SERTM1: variants seen among roughly 807,000 people sequenced by gnomAD.
The protein encoded by SERTM1 is serine-rich and transmembrane domain-containing protein 1.
In SERTM1, 1 loss-of-function variant was observed where a neutral mutation model predicts 5.5. The ratio of observed to expected loss-of-function variants is 0.18; its 90% CI spans 0.06 to 0.86. The LOEUF (loss-of-function observed/expected upper bound fraction) is 0.86. Ranked by LOEUF, SERTM1 falls within the 40% of genes least tolerant of loss-of-function variation. The pLI is 0.69. For missense variants in SERTM1, 91 were observed against 122.4 expected, an observed-to-expected ratio of 0.74 and a Z score of 1.21; for synonymous variants, 52 against 55.1, an observed-to-expected ratio of 0.94 and a Z score of 0.25.
At chr13:36,688,843 C>A (rs2056759212) in intron 1 of SERTM1, among the ~76,000 whole-genome samples, 1 of 152,160 alleles carries the variant, frequency 6.6e-6, no homozygotes, top group Non-Finnish European at 1.5e-5. Context: ...TAGCCAATGA[C>A]CTTTTCTCCT....
chr13:36,695,367 T>C lies in SERTM1; in HGVS notation c.289T>C (p.Ser97Pro). Reference sequence around the variant, plus strand: ...CAATTTGGAAGTCTGCAGCATTTCCTCTCAGAGGTCCACTTTTTCAAACCT... The same window carrying C: ...CAATTTGGAAGTCTGCAGCATTTCCCCTCAGAGGTCCACTTTTTCAAACCT... ...FTNLEVCSIS[S>P]QRSTFSNLSS The change falls in exon 2 of 2, where the codon TCT (serine) becomes CCT (proline). Residue 97 changes from serine to proline, a missense_variant. Physicochemically the swap from Ser to Pro is moderately conservative, Grantham distance 74. Transcript: ENST00000315190. 6.2e-7 allele frequency: 1 copy of C among 1,613,944 alleles called. No homozygotes were observed. The highest frequency in any genetic ancestry group is 8.5e-7 in the Non-Finnish European group (1 of 1,179,950).
rs1343732975 is a variant in SERTM1, at chr13:36,697,667, C to T, written c.*2265C>T. 6.0e-6 allele frequency: 1 copy of T among 166,924 alleles called. No homozygotes were observed. The highest frequency in any genetic ancestry group is 1.5e-5 in the Non-Finnish European group (1 of 68,090). The allele number at this position is 166,924 out of a possible 1,614,324, so 10.3% of individuals were successfully genotyped here. A position where few individuals can be genotyped will look rare whatever the true frequency, so the allele number is the denominator to read the frequency against. ...CTCCCCTGCCGCAATGGTTCTTGCT[C>T]TCAATGTTTAGTAGAGAAATTAAGA... On this transcript the variant is annotated 3_prime_UTR_variant, in exon 2 of 2. Transcript: ENST00000315190.
At position 36,696,485 on chromosome 13, in the gene SERTM1, A is replaced by G. The variant is rs1253149870; in HGVS notation, c.*1083A>G. 5 of 167,020 alleles carry G rather than the reference A, an allele frequency of 3.0e-5. No homozygotes were observed. The highest frequency in any genetic ancestry group is 2.1e-4 in the South Asian group (1 of 4,838). The allele number at this position is 167,020 out of a possible 1,614,324, so 10.3% of individuals were successfully genotyped here. On this transcript the variant is annotated 3_prime_UTR_variant, in exon 2 of 2. Transcript: ENST00000315190. ...GTTGTATGTTAACATAATACTCTAC[A>G]TTAGGATTTCAGGATGTGAGTTTGT...
At chr13:36,677,489 T>C (rs2056677704) in intron 1 of SERTM1, among the ~76,000 whole-genome samples, 1 of 152,340 alleles carries the variant, frequency 6.6e-6, no homozygotes, top group African/African-American at 2.4e-5. Context: ...ATTGTTAATC[T>C]GGAAGGGTCT....
chr13:36,695,278 A>G lies in SERTM1; in HGVS notation c.200A>G (p.Lys67Arg). Residue 67 changes from lysine to arginine, a missense_variant, in exon 2 of 2, where the codon AAA (lysine) becomes AGA (arginine). Transcript: ENST00000315190. ...LLLIIALQRL[K>R]NIISSSSSYP... Reference sequence around the variant, plus strand: ...TTAATCATTGCCCTCCAGAGGCTCAAAAATATCATCTCCTCCAGTTCCTCC... The same window carrying G: ...TTAATCATTGCCCTCCAGAGGCTCAGAAATATCATCTCCTCCAGTTCCTCC... The G allele has an allele frequency of 1.9e-6, 3 of 1,614,180 alleles. No individual in the cohort carries two copies. The highest frequency in any genetic ancestry group is 8.5e-7 in the Non-Finnish European group (1 of 1,180,022).
chr13:36,683,074 G>GA (rs1555283492), intron 1 of SERTM1, among the ~76,000 whole-genome samples: 1 of 151,208 alleles, frequency 6.6e-6, no homozygotes, highest in African/African-American at 2.4e-5. Flanking sequence ...TGTACGATGA[G>GA]TTTTTTTTTC....
chr13:36,692,717 G>C (rs1252958037), intron 1 of SERTM1, among the ~76,000 whole-genome samples: 1 of 152,184 alleles, frequency 6.6e-6, no homozygotes. Context: ...AAAAATAAAA[G>C]ATCGGGACTA....
intron 1 of SERTM1, among the ~76,000 whole-genome samples, chr13:36,676,342 C>A (rs1354007811): frequency 1.3e-5 from 2 of 151,914 alleles, no homozygotes; most frequent in East Asian, 3.9e-4. Context: ...AAAGTCTGAG[C>A]TCATTTGATG....
chr13:36,675,250 G>C lies in SERTM1; in HGVS notation c.-174+1066G>C, dbSNP rs56167220. ...TTCTTTGTGGTAAATGATGGGCTCC[G>C]ATGTCTAGAGGACGTCTCAAAGCCA... On this transcript the variant is annotated intron_variant, in intron 1 of 1. Transcript: ENST00000315190. Among the ~76,000 whole-genome samples the C allele has an allele frequency of 9.4e-3, 1,439 of 152,310 alleles. 21 individuals carry two copies. The highest frequency in any genetic ancestry group is 0.033 in the African/African-American group (1,391 of 41,572).
Position 36,695,386 on chromosome 13 carries a change from C to A in SERTM1, c.308C>A (p.Ser103Ter). 6.2e-7 allele frequency: 1 copy of A among 1,613,538 alleles called. No individual in the cohort carries two copies. The highest frequency in any genetic ancestry group is 1.1e-5 in the South Asian group (1 of 91,044). ...CSISSQRSTF[S>*]NLSS ...ATTTCCTCTCAGAGGTCCACTTTTTCAAACCTTTCATCCTGAGGAAAATGG... is the reference window on the plus strand; with the variant it reads ...ATTTCCTCTCAGAGGTCCACTTTTTAAAACCTTTCATCCTGAGGAAAATGG... Residue 103 changes from serine (S) to a stop codon, truncating the protein, a stop_gained, in exon 2 of 2, where the codon TCA (serine) becomes TAA (stop). Coordinates refer to ENST00000315190, the MANE Select transcript of SERTM1 (RefSeq NM_203451.3). LOFTEE classifies it high-confidence loss of function.
intron 1 of SERTM1, among the ~76,000 whole-genome samples, chr13:36,682,708 A>G (rs1296863134): frequency 6.6e-6 from 1 of 152,226 alleles, no homozygotes; most frequent in Non-Finnish European, 1.5e-5. Context: ...TGGCCAGATC[A>G]TAAGGGACAG....
In SERTM1 at chr13:36,680,928, G is replaced by A. The variant is rs556516851; in HGVS notation, c.-174+6744G>A. On this transcript the variant is annotated intron_variant, in intron 1 of 1. Coordinates refer to ENST00000315190, the MANE Select transcript of SERTM1 (RefSeq NM_203451.3). ...AAAGGAAAACAAAAGAATAAATCAG[G>A]TACCTAGTACCTGCTATATATTTGC... 3.9e-4 allele frequency among the ~76,000 whole-genome samples: 60 copies of A among 152,224 alleles called. 1 individual carries two copies. The highest frequency in any genetic ancestry group is 2.1e-3 in the Admixed American group (32 of 15,272).
At chr13:36,689,020 C>T (rs2056760263) in intron 1 of SERTM1, among the ~76,000 whole-genome samples, 1 of 150,990 alleles carries the variant, frequency 6.6e-6, no homozygotes, top group African/African-American at 2.5e-5. Context: ...CTTTTGTAAA[C>T]ACCATAAAAG....
chr13:36,677,743 G>T (rs1219026868), intron 1 of SERTM1, among the ~76,000 whole-genome samples: 1 of 152,154 alleles, frequency 6.6e-6, no homozygotes, highest in Non-Finnish European at 1.5e-5. Flanking sequence ...AACTTGCTAG[G>T]GTAGTCTGGT....
chr13:36,683,372 A>C (rs1020387216), intron 1 of SERTM1, among the ~76,000 whole-genome samples: 5 of 152,174 alleles, frequency 3.3e-5, no homozygotes, highest in Non-Finnish European at 7.3e-5. Context: ...CACAATTCAT[A>C]CAACTCTCAA....
chr13:36,678,825 GTGCA>G (rs2056686035), intron 1 of SERTM1, among the ~76,000 whole-genome samples: 1 of 151,704 alleles, frequency 6.6e-6, no homozygotes, highest in South Asian at 2.1e-4. Flanking sequence ...ATACATCTTT[GTGCA>G]TGTACTTTTA....
intron 1 of SERTM1, among the ~76,000 whole-genome samples, chr13:36,694,667 T>C (rs1196838802): frequency 6.6e-6 from 1 of 152,238 alleles, no homozygotes. Context: ...CCTTTTATTT[T>C]ATCTTCAGCT....
At chr13:36,693,739 A>G (rs115276953) in intron 1 of SERTM1, among the ~76,000 whole-genome samples, 1,859 of 152,324 alleles carry the variant, frequency 0.012, 35 homozygotes, top group African/African-American at 0.043. Flanking sequence ...AGAGTTTAGG[A>G]AGAGAAAGCT....
rs534046284 is a variant in SERTM1 at position 36,694,036 on chromosome 13, C to G, written c.-173-870C>G. Among the ~76,000 whole-genome samples the G allele has an allele frequency of 6.7e-4, 102 of 152,270 alleles. 1 individual carries two copies. Among genetic ancestry groups the G allele is most frequent in the African/African-American group, 2.3e-3 (95 of 41,542 alleles). On this transcript the variant is annotated intron_variant, in intron 1 of 1. Coordinates refer to ENST00000315190, the MANE Select transcript of SERTM1 (RefSeq NM_203451.3). ...AAGTCCCATTATCTCCCACCACACA[C>G]TAAAGTCATTTTTTTCTCCAATGCT...
Sources: allele counts gnomAD v4.1 joint callset (sites outside exome capture counted in the v4.1 genomes callset), GRCh38; gene constraint gnomAD v4.1.1; transcripts MANE v1.5; gene names NCBI Gene and HGNC (gene_info 2026-07-23, HGNC 2026-07-21).